The following MB variants were observed in gnomAD, a reference collection of about 807,000 sequenced individuals.
The protein encoded by MB is myoglobin.
A neutral mutation model predicts 14.5 loss-of-function variants in MB; 10 were observed. The ratio of observed to expected loss-of-function variants is 0.69; its 90% CI spans 0.43 to 1.17. The LOEUF is 1.17. Among genes scored for constraint, MB ranks in the 50% most tolerant of loss-of-function variants. MB has a pLI of 0.00. For missense variants in MB, 169 were observed against 192.7 expected (o/e 0.88, Z 0.73); for synonymous variants, 89 against 78.6 (o/e 1.13, Z -0.70).
At chr22:35,613,323 G>C (rs1367998872) in intron 1 of MB, among the ~76,000 whole-genome samples, 1 of 152,228 alleles carries the variant, frequency 6.6e-6, no homozygotes, top group African/African-American at 2.4e-5. Flanking sequence ...GGGACTGACA[G>C]TTACGGAAGC....
At chr22:35,622,714 G>A (rs1350865048) in intron 1 of MB, among the ~76,000 whole-genome samples, 1 of 152,020 alleles carries the variant, frequency 6.6e-6, no homozygotes, top group African/African-American at 2.4e-5. Flanking sequence ...ACACCGACCT[G>A]CCTCCCCCCT....
intron 1 of MB, among the ~76,000 whole-genome samples, chr22:35,616,497 C>A (rs545450743): frequency 6.6e-6 from 1 of 152,340 alleles, no homozygotes; most frequent in Non-Finnish European, 1.5e-5. Flanking sequence ...GGTCCCTAGC[C>A]TGGGCTTCAT....
upstream of MB, among the ~76,000 whole-genome samples, chr22:35,621,745 A>T (rs1179265657): frequency 6.6e-6 from 1 of 152,178 alleles, no homozygotes; most frequent in African/African-American, 2.4e-5. Flanking sequence ...GGCCCAGCTG[A>T]GTCTGCCTCA....
chr22:35,619,411 G>T (rs1350049198), upstream of MB, among the ~76,000 whole-genome samples: 1 of 152,176 alleles, frequency 6.6e-6, no homozygotes, highest in African/African-American at 2.4e-5. Context: ...CCAGTGTTTG[G>T]GCCATCCTGG....
chr22:35,620,730 G>A (rs184352660), upstream of MB, among the ~76,000 whole-genome samples: 294 of 152,312 alleles, frequency 1.9e-3, 1 homozygote, highest in African/African-American at 6.5e-3. Context: ...GTGCCCTCCC[G>A]AGAGTGTCAG....
At chr22:35,615,358 C>G (rs953360283) in intron 1 of MB, among the ~76,000 whole-genome samples, 1 of 152,212 alleles carries the variant, frequency 6.6e-6, no homozygotes, top group African/African-American at 2.4e-5. Flanking sequence ...CAACCTAAGA[C>G]GTGACAGGGC....
At chr22:35,610,571 T>C (rs45523132) in intron 2 of MB, among the ~76,000 whole-genome samples, 14,008 of 152,226 alleles carry the variant, frequency 0.092, 733 homozygotes, top group African/African-American at 0.14. Context: ...ATCAAGTGGA[T>C]ATGATAATGG....
intron 2 of MB, among the ~76,000 whole-genome samples, chr22:35,609,538 G>C (rs1379309846): frequency 6.6e-6 from 1 of 152,190 alleles, no homozygotes; most frequent in Non-Finnish European, 1.5e-5. Flanking sequence ...GGTGGCGGTG[G>C]TTGTCAATGG....
rs1386895606 is a variant in MB at position 35,610,919 on chromosome 22, C to A, written c.283G>T (p.Ala95Ser). 6.2e-7 allele frequency: 1 copy of A among 1,614,152 alleles called. No homozygotes were observed. Among genetic ancestry groups the A allele is most frequent in the East Asian group, 2.2e-5 (1 of 44,878 alleles). ...AEIKPLAQSHATKHKIPVKYL... is the reference protein window; with the variant it reads ...AEIKPLAQSHSTKHKIPVKYL... Reference sequence around the variant, plus strand: ...TTCACGGGGATCTTGTGCTTGGTGGCATGCGACTGTGCCAGGGGCTTAATC... The same window carrying A: ...TTCACGGGGATCTTGTGCTTGGTGGAATGCGACTGTGCCAGGGGCTTAATC... The change falls in exon 2 of 3, where the codon GCC (alanine) becomes TCC (serine). Residue 95 changes from alanine (A) to serine (S), a missense_variant. By Grantham distance (99) the Ala-to-Ser change is moderately conservative. Coordinates refer to ENST00000397326, the MANE Select transcript of MB (RefSeq NM_005368.3).
intron 1 of MB, among the ~76,000 whole-genome samples, chr22:35,613,196 G>A (rs1273393856): frequency 3.9e-5 from 6 of 152,378 alleles, no homozygotes; most frequent in African/African-American, 1.2e-4. Flanking sequence ...AGGTCAGGAC[G>A]CTGAAAGCAG....
At chr22:35,617,372 G>A (rs1310440168), upstream of MB, 7 of 696,934 alleles carry the variant, frequency 1.0e-5, no homozygotes, top group Non-Finnish European at 1.8e-5. Context: ...CTTCTGGGAT[G>A]CTTGACAAAG....
chr22:35,613,405 G>T (rs1922803066), intron 1 of MB, among the ~76,000 whole-genome samples: 1 of 152,152 alleles, frequency 6.6e-6, no homozygotes, highest in African/African-American at 2.4e-5. Flanking sequence ...CTGGATCATT[G>T]CTCATCCATA....
At chr22:35,612,327 A>AG (rs1404640251) in intron 1 of MB, among the ~76,000 whole-genome samples, 1 of 152,184 alleles carries the variant, frequency 6.6e-6, no homozygotes, top group Non-Finnish European at 1.5e-5. Flanking sequence ...TCTCCATCCC[A>AG]GGGTTTTATG....
rs141851939 is a variant in MB, at chr22:35,608,482, C to T, written c.319-1039G>A. On this transcript the variant is annotated intron_variant, in intron 2 of 2. Coordinates refer to ENST00000397326, the MANE Select transcript of MB (RefSeq NM_005368.3). The surrounding 1 kb of genome is among the most constrained non-coding windows in gnomAD (Gnocchi z 4.3). ...AAGTGACATAAAGCAGGGATAGTCG[C>T]GGGTGGGACATGCAAAGGGAGGCCT... Among the ~76,000 whole-genome samples, 5 of 152,240 alleles carry T rather than the reference C, an allele frequency of 3.3e-5. No individual in the cohort carries two copies. The highest frequency in any genetic ancestry group is 2.0e-4 in the Admixed American group (3 of 15,286).
chr22:35,615,873 A>G (rs1161367934), intron 1 of MB, among the ~76,000 whole-genome samples: 1 of 152,150 alleles, frequency 6.6e-6, no homozygotes, highest in Admixed American at 6.5e-5. Context: ...ACATAAACAC[A>G]CTACGATGCC....
Position 35,607,440 on chromosome 22 carries a change from T to A in MB, c.322A>T (p.Ile108Phe), listed in dbSNP as rs1198872473. 3 of 1,613,632 alleles carry A rather than the reference T, an allele frequency of 1.9e-6. No individual in the cohort carries two copies. In the Admixed American group the frequency reaches 5.0e-5, roughly 27 times the overall value. ...HKIPVKYLEF[I>F]SECIIQVLQS... ...AGAACCTGGATGATGCATTCCGAGA[T>A]GAACTGCAGGGAGGGTGAGGAGAGA... Residue 108 changes from isoleucine (I) to phenylalanine (F), a missense_variant, in exon 3 of 3, where the codon ATC (isoleucine) becomes TTC (phenylalanine). Coordinates refer to ENST00000397326, the MANE Select transcript of MB (RefSeq NM_005368.3).
intron 2 of MB, among the ~76,000 whole-genome samples, chr22:35,607,854 T>G (rs1922278306): frequency 1.3e-5 from 2 of 152,192 alleles, no homozygotes; most frequent in Non-Finnish European, 2.9e-5. Flanking sequence ...GATTTCATTA[T>G]TGTATTCAGG....
chr22:35,615,359 G>A (rs986445995), intron 1 of MB, among the ~76,000 whole-genome samples: 4 of 152,176 alleles, frequency 2.6e-5, no homozygotes, highest in African/African-American at 7.2e-5. Context: ...AACCTAAGAC[G>A]TGACAGGGCA....
In MB at chr22:35,607,276, G is replaced by T. The variant is rs1287469041; in HGVS notation, c.*21C>A. On this transcript the variant is annotated 3_prime_UTR_variant, in exon 3 of 3. Coordinates refer to ENST00000397326, the MANE Select transcript of MB (RefSeq NM_005368.3). The stretch of plus-strand genomic sequence containing the variant: ...TCTTGAACCCGGGGCCCAGATGGGT[G>T]GGGGTGGGAGCGGCAGGGGCCTAGC... 6.2e-7 allele frequency: 1 copy of T among 1,604,388 alleles called. No individual in the cohort carries two copies. Among genetic ancestry groups the T allele is most frequent in the Admixed American group, 1.7e-5 (1 of 59,396 alleles).
Sources: allele counts gnomAD v4.1 joint callset (sites outside exome capture counted in the v4.1 genomes callset), GRCh38; gene constraint gnomAD v4.1.1; non-coding constraint Gnocchi (gnomAD v3.1); transcripts MANE v1.5; gene names NCBI Gene and HGNC (gene_info 2026-07-23, HGNC 2026-07-21).